SOX5: variants seen among roughly 807,000 people sequenced by gnomAD.
The protein encoded by SOX5 is transcription factor SOX-5.
SOX5 carries 9 observed loss-of-function variants against 92.0 expected under a neutral mutation model. The ratio of observed to expected loss-of-function variants is 0.10; its 90% confidence interval spans 0.06 to 0.17. SOX5 has a LOEUF of 0.17. SOX5 is among the 10% of genes least tolerant of loss of function. The pLI is 1.00. For synonymous variants in SOX5, 344 were observed against 336.3 expected, an observed-to-expected ratio of 1.02 and a Z score of -0.25; for missense variants, 642 against 944.5, an observed-to-expected ratio of 0.68 and a Z score of 4.20.
chr12:23,701,150 T>C (rs1358378995), intron 6 of SOX5, among the ~76,000 whole-genome samples: 1 of 152,070 alleles, frequency 6.6e-6, no homozygotes, highest in East Asian at 1.9e-4. Flanking sequence ...TTCTTAGTTA[T>C]AACCCTTAAT....
chr12:23,907,694 G>A (rs1195410651), intron 1 of SOX5, among the ~76,000 whole-genome samples: 1 of 151,778 alleles, frequency 6.6e-6, no homozygotes, highest in Non-Finnish European at 1.5e-5. Context: ...TTCATCATGG[G>A]AGAAGATGGA....
chr12:23,569,108 T>G (rs1380695766), intron 10 of SOX5, among the ~76,000 whole-genome samples: 1 of 152,192 alleles, frequency 6.6e-6, no homozygotes, highest in African/African-American at 2.4e-5. Flanking sequence ...GAGAACTGCT[T>G]GAGCCTGGGA....
chr12:24,484,983 GAAAGAT>G (rs1396335311), intron 1 of SOX5, among the ~76,000 whole-genome samples: 1 of 152,152 alleles, frequency 6.6e-6, no homozygotes, highest in Non-Finnish European at 1.5e-5. Context: ...CTGAGGGCTA[GAAAGAT>G]AAAAAGTTGA....
chr12:23,776,597 G>A (rs937966305), intron 3 of SOX5, among the ~76,000 whole-genome samples: 5 of 152,130 alleles, frequency 3.3e-5, no homozygotes, highest in African/African-American at 9.7e-5. Flanking sequence ...TTAGCACCAC[G>A]GACCAGTCTC....
At chr12:23,842,259 A>G (rs1226308863) in intron 3 of SOX5, among the ~76,000 whole-genome samples, 1 of 152,132 alleles carries the variant, frequency 6.6e-6, no homozygotes, top group Admixed American at 6.6e-5. Context: ...ATATAAATTA[A>G]TGGTGGTTAG....
At chr12:24,110,421 T>G (rs947664417) in intron 4 of SOX5, among the ~76,000 whole-genome samples, 1 of 152,204 alleles carries the variant, frequency 6.6e-6, no homozygotes, top group African/African-American at 2.4e-5. Flanking sequence ...CCACATCAAG[T>G]GCTTGCTAAA....
intron 4 of SOX5, among the ~76,000 whole-genome samples, chr12:24,178,180 TC>T (rs1203874466): frequency 6.7e-6 from 1 of 149,786 alleles, no homozygotes; most frequent in Non-Finnish European, 1.5e-5. Flanking sequence ...CATCTTGAGA[TC>T]CCATCGGCCA....
chr12:23,566,764 T>C lies in SOX5; in HGVS notation c.1343-3361A>G, dbSNP rs574847363. Among the ~76,000 whole-genome samples the C allele has an allele frequency of 5.9e-5, 9 of 152,338 alleles. No homozygotes were observed. In the South Asian group the frequency reaches 1.9e-3, roughly 32 times the overall value. On this transcript the variant is annotated intron_variant, in intron 10 of 14. Coordinates refer to ENST00000451604, the MANE Select transcript of SOX5 (RefSeq NM_006940.6). ...GAGTAAATATCATCTTTTATCATAA[T>C]AAATGGTCAATGAAAGCTATTCAGT...
intron 6 of SOX5, among the ~76,000 whole-genome samples, chr12:23,692,714 C>G (rs10842213): frequency 0.15 from 22,941 of 152,158 alleles, 1,894 homozygotes; most frequent in African/African-American, 0.21. Context: ...TAATAACCTT[C>G]TACCTACTTG....
At chr12:23,761,764 G>A (rs1296693323) in intron 3 of SOX5, among the ~76,000 whole-genome samples, 1 of 151,994 alleles carries the variant, frequency 6.6e-6, no homozygotes, top group African/African-American at 2.4e-5. Flanking sequence ...TTTGATAGGT[G>A]GTACTGTGGG....
chr12:24,377,454 T>G (rs1957403836), intron 1 of SOX5, among the ~76,000 whole-genome samples: 1 of 152,314 alleles, frequency 6.6e-6, no homozygotes, highest in South Asian at 2.1e-4. Flanking sequence ...TTTCTGAAAC[T>G]AAAACTAACT....
intron 4 of SOX5, among the ~76,000 whole-genome samples, chr12:24,157,195 T>C (rs1952270976): frequency 6.6e-6 from 1 of 152,116 alleles, no homozygotes; most frequent in Non-Finnish European, 1.5e-5. Context: ...CTATACATAG[T>C]TAAGCATTTT....
At chr12:24,363,366 G>A (rs1028584757) in intron 2 of SOX5, among the ~76,000 whole-genome samples, 4 of 152,026 alleles carry the variant, frequency 2.6e-5, no homozygotes, top group African/African-American at 9.7e-5. Context: ...ATGCTGGAGC[G>A]GTGCCAGCAT....
At chr12:23,912,146 A>G (rs2097358662) in intron 1 of SOX5, among the ~76,000 whole-genome samples, 1 of 152,114 alleles carries the variant, frequency 6.6e-6, no homozygotes, top group Non-Finnish European at 1.5e-5. Flanking sequence ...TTATTGTACA[A>G]CACTTACAAT....
chr12:24,399,470 AAAAG>A (rs770644647), intron 1 of SOX5, among the ~76,000 whole-genome samples: 13 of 152,276 alleles, frequency 8.5e-5, no homozygotes, highest in Non-Finnish European at 1.9e-4. Flanking sequence ...TGAAAAATAT[AAAAG>A]AAAGAGTATT....
In SOX5 at chr12:23,644,150, C is replaced by A. The variant is rs904370052; in HGVS notation, c.932-3253G>T. On this transcript the variant is annotated intron_variant, in intron 7 of 14. Coordinates refer to ENST00000451604, the MANE Select transcript of SOX5 (RefSeq NM_006940.6). ...ATTTTGGCTGCCTTGGTTGCCCACACCCTCTGTTGGAGCAAGCCGCTAGGT... is the reference window on the plus strand; with the variant it reads ...ATTTTGGCTGCCTTGGTTGCCCACAACCTCTGTTGGAGCAAGCCGCTAGGT... 2.0e-5 allele frequency among the ~76,000 whole-genome samples: 3 copies of A among 152,216 alleles called. No individual in the cohort carries two copies. In the East Asian group the frequency reaches 5.8e-4, roughly 29 times the overall value.
intron 3 of SOX5, among the ~76,000 whole-genome samples, chr12:24,254,599 G>T (rs1264723969): frequency 6.6e-6 from 1 of 151,692 alleles, no homozygotes; most frequent in Non-Finnish European, 1.5e-5. Flanking sequence ...AGGTAGCATG[G>T]GTACTTGAAG....
At chr12:23,786,546 A>T (rs2095381718) in intron 3 of SOX5, among the ~76,000 whole-genome samples, 1 of 147,896 alleles carries the variant, frequency 6.8e-6, no homozygotes, top group South Asian at 2.1e-4. Flanking sequence ...TCCATCTCAA[A>T]AAAAAAAAAA....
At chr12:24,244,384 T>A (rs1289999915) in intron 3 of SOX5, among the ~76,000 whole-genome samples, 1 of 152,232 alleles carries the variant, frequency 6.6e-6, no homozygotes, top group East Asian at 1.9e-4. Flanking sequence ...ATAATCCCAC[T>A]GGTCTTCTTT....
Sources: gnomAD v4.1 joint callset for allele counts (sites outside exome capture counted in the v4.1 genomes callset) on GRCh38, gnomAD v4.1.1 for gene constraint, MANE v1.5 for transcripts, NCBI Gene and HGNC (gene_info 2026-07-23, HGNC 2026-07-21) for gene names.